CCSER1: variants seen among roughly 807,000 people sequenced by gnomAD.
The protein encoded by CCSER1 is coiled-coil serine rich protein 1, also known as serine-rich coiled-coil domain-containing protein 1.
In CCSER1, 41 loss-of-function variants were observed where a neutral mutation model predicts 82.0. That is an observed-to-expected ratio of 0.50 (90% confidence interval 0.39 to 0.65). The LOEUF is 0.65. CCSER1 is among the 30% of genes least tolerant of loss of function. The pLI, the probability that CCSER1 is intolerant of heterozygous loss-of-function variation, is 0.00. For synonymous variants in CCSER1, 414 were observed against 383.9 expected (o/e 1.08, Z -0.92); for missense variants, 1,119 against 1,064.2 (o/e 1.05, Z -0.72).
chr4:91,065,969 T>A (rs1159835421), intron 9 of CCSER1, among the ~76,000 whole-genome samples: 1 of 152,200 alleles, frequency 6.6e-6, no homozygotes, highest in Non-Finnish European at 1.5e-5. Context: ...TGAAATTATA[T>A]GAAGTGTACA....
At chr4:90,236,431 G>T (rs111450301) in intron 1 of CCSER1, among the ~76,000 whole-genome samples, 2,536 of 152,160 alleles carry the variant, frequency 0.017, 30 homozygotes, top group Non-Finnish European at 0.026. Flanking sequence ...GGGGGTAAAA[G>T]AAAAAGTTGT....
chr4:90,532,740 A>G (rs1274152298), intron 5 of CCSER1, among the ~76,000 whole-genome samples: 1 of 152,142 alleles, frequency 6.6e-6, no homozygotes, highest in Non-Finnish European at 1.5e-5. Flanking sequence ...CTTACATTTA[A>G]AGGAAATTAG....
chr4:90,961,410 A>G (rs1457626946), intron 9 of CCSER1, among the ~76,000 whole-genome samples: 1 of 152,208 alleles, frequency 6.6e-6, no homozygotes, highest in Non-Finnish European at 1.5e-5. Flanking sequence ...TCCATCTTTT[A>G]GCCTTTAACC....
At chr4:91,030,366 T>C (rs976300232) in intron 9 of CCSER1, among the ~76,000 whole-genome samples, 2 of 152,150 alleles carry the variant, frequency 1.3e-5, no homozygotes, top group Non-Finnish European at 2.9e-5. Flanking sequence ...CACATAGCTA[T>C]TGAGCACTTG....
At chr4:90,802,808 G>C (rs1757003046) in intron 7 of CCSER1, among the ~76,000 whole-genome samples, 1 of 152,032 alleles carries the variant, frequency 6.6e-6, no homozygotes, top group Non-Finnish European at 1.5e-5. Flanking sequence ...CACTTATTTA[G>C]GTAGAGCAGA....
At chr4:91,318,029 T>C (rs1745949315) in intron 10 of CCSER1, among the ~76,000 whole-genome samples, 1 of 151,936 alleles carries the variant, frequency 6.6e-6, no homozygotes, top group African/African-American at 2.4e-5. Flanking sequence ...CAGATTTTTT[T>C]GTAGACAGAA....
intron 9 of CCSER1, among the ~76,000 whole-genome samples, chr4:90,934,194 C>A (rs553114077): frequency 6.6e-6 from 1 of 151,800 alleles, no homozygotes; most frequent in Non-Finnish European, 1.5e-5. Flanking sequence ...AGTATAAGGA[C>A]AAAGACAAAT....
At chr4:91,535,788 T>C (rs1392189560) in intron 10 of CCSER1, among the ~76,000 whole-genome samples, 1 of 152,084 alleles carries the variant, frequency 6.6e-6, no homozygotes, top group Admixed American at 6.6e-5. Flanking sequence ...ATCCTTGTAA[T>C]GAAGCTTGAA....
chr4:90,931,388 AG>A (rs1404525882), intron 9 of CCSER1, among the ~76,000 whole-genome samples: 1 of 120,672 alleles, frequency 8.3e-6, no homozygotes, highest in Admixed American at 8.8e-5. Flanking sequence ...TATAACTATT[AG>A]CTAGGAATAT....
intron 10 of CCSER1, among the ~76,000 whole-genome samples, chr4:91,350,950 A>C (rs1277421203): frequency 6.6e-6 from 1 of 152,000 alleles, no homozygotes; most frequent in African/African-American, 2.4e-5. Flanking sequence ...CCCAATAAAA[A>C]ATTTATTTAT....
At chr4:91,065,867 A>G (rs1467669981) in intron 9 of CCSER1, among the ~76,000 whole-genome samples, 2 of 146,558 alleles carry the variant, frequency 1.4e-5, no homozygotes, top group South Asian at 4.2e-4. Context: ...TCTTTCAATA[A>G]TATGACAATT....
At chr4:91,284,169 T>C (rs1242905651) in intron 10 of CCSER1, among the ~76,000 whole-genome samples, 1 of 152,122 alleles carries the variant, frequency 6.6e-6, no homozygotes, top group African/African-American at 2.4e-5. Flanking sequence ...GCACTCTCTC[T>C]CTCAACTCAG....
At chr4:90,492,148 G>C (rs1435322674) in intron 5 of CCSER1, among the ~76,000 whole-genome samples, 5 of 152,158 alleles carry the variant, frequency 3.3e-5, no homozygotes, top group African/African-American at 1.2e-4. Flanking sequence ...GTCTGGTCCT[G>C]GACTTTTTTT....
rs1726580605 is a variant in CCSER1, at chr4:91,116,211, G to A, written c.2217+30217G>A. On this transcript the variant is annotated intron_variant, in intron 10 of 10. Coordinates refer to ENST00000509176, the MANE Select transcript of CCSER1 (RefSeq NM_001145065.2). Reference sequence around the variant, plus strand: ...ATGATAGACTGGATTAAGAAAATGTGGCACATACACACCATGGAATACTAT... The same window carrying A: ...ATGATAGACTGGATTAAGAAAATGTAGCACATACACACCATGGAATACTAT... Among the ~76,000 whole-genome samples, 4 of 152,126 alleles carry A rather than the reference G, an allele frequency of 2.6e-5. No individual in the cohort carries two copies. The Middle Eastern group carries it at 0.01, about 388-fold the overall frequency.
At chr4:91,553,871 T>C (rs912457900) in intron 10 of CCSER1, among the ~76,000 whole-genome samples, 4 of 151,110 alleles carry the variant, frequency 2.6e-5, no homozygotes, top group Non-Finnish European at 5.9e-5. Context: ...ATATATTTGA[T>C]ATTTTCTATT....
chr4:90,861,320 T>A (rs1226072319), intron 8 of CCSER1, among the ~76,000 whole-genome samples: 3 of 151,706 alleles, frequency 2.0e-5, no homozygotes, highest in Non-Finnish European at 3.0e-5. Flanking sequence ...TTTAAATTAG[T>A]CCCTGCAGGG....
intron 10 of CCSER1, among the ~76,000 whole-genome samples, chr4:91,328,758 T>C (rs1053847460): frequency 2.0e-4 from 31 of 152,298 alleles, no homozygotes; most frequent in Non-Finnish European, 4.3e-4. Context: ...TATGTTATTA[T>C]TAAAGAGTTG....
intron 7 of CCSER1, among the ~76,000 whole-genome samples, chr4:90,750,054 A>AT (rs1748328721): frequency 6.6e-6 from 1 of 151,836 alleles, no homozygotes; most frequent in African/African-American, 2.4e-5. Flanking sequence ...GATGGTGAGC[A>AT]TTTTTTCATG....
chr4:90,516,427 AC>A (rs1266696406), intron 5 of CCSER1, among the ~76,000 whole-genome samples: 1 of 152,138 alleles, frequency 6.6e-6, no homozygotes, highest in East Asian at 1.9e-4. Context: ...AGTATGTACT[AC>A]CCCAGGGCCT....
Sources: allele counts gnomAD v4.1 joint callset (sites outside exome capture counted in the v4.1 genomes callset), GRCh38; gene constraint gnomAD v4.1.1; transcripts MANE v1.5; gene names NCBI Gene and HGNC (gene_info 2026-07-23, HGNC 2026-07-21).